Variants in ATAD2B observed in about 807,000 individuals in gnomAD.
ATAD2B encodes ATPase family AAA domain containing 2B.
ATAD2B carries 40 observed loss-of-function variants against 167.6 expected under a neutral mutation model. That is an observed-to-expected ratio of 0.24 (90% CI 0.19 to 0.31). The LOEUF is 0.31. Among genes scored for constraint, ATAD2B ranks in the 10% least tolerant of loss-of-function variants. The pLI is 1.00. For missense variants in ATAD2B, 1,242 were observed against 1,757.2 expected (o/e 0.71, Z 5.24); for synonymous variants, 579 against 596.5 (o/e 0.97, Z 0.43).
At chr2:23,872,877 A>G in intron 8 of ATAD2B, 1 of 827,028 alleles carries the variant, frequency 1.2e-6, no homozygotes, top group Non-Finnish European at 2.1e-6. Flanking sequence ...GCCATCTCAC[A>G]GTGCCTGCCT....
In ATAD2B at chr2:23,926,737, G is replaced by A; in HGVS notation, c.34C>T (p.Leu12Phe). 4 of 1,548,142 alleles carry A rather than the reference G, an allele frequency of 2.6e-6. No individual in the cohort carries two copies. Among genetic ancestry groups the A allele is most frequent in the Non-Finnish European group, 3.5e-6 (4 of 1,146,194 alleles). ...CCGGGACCAGGAGACTTGGACCCGA[G>A]AAGGCGGAGAGAGCTCTTCCGGGTG... ...VNTRKSSLRLLGSKSPGPGPG... is the reference protein window; with the variant it reads ...VNTRKSSLRLFGSKSPGPGPG... Residue 12 changes from leucine to phenylalanine, a missense_variant, in exon 1 of 28, where the codon CTC (leucine) becomes TTC (phenylalanine). This residue lies in a region of ATAD2B where 199 missense variants were observed against 194.9 expected (regional missense o/e 1.02). Coordinates refer to ENST00000238789, the MANE Select transcript of ATAD2B (RefSeq NM_017552.4).
chr2:23,762,465 G>T (rs897634804), intron 23 of ATAD2B, 119 bp from the exon 24 acceptor site: 1 of 923,976 alleles, frequency 1.1e-6, no homozygotes, highest in Non-Finnish European at 1.5e-6. Context: ...TACTAGGGCA[G>T]TTTGCAGTTC....
Position 23,892,199 on chromosome 2 carries a change from T to C in ATAD2B, c.368+3620A>G, listed in dbSNP as rs182093190. On this transcript the variant is annotated intron_variant, in intron 2 of 27. Transcript: ENST00000238789. ...TTTTTCTTGAGACGGAGTCTCGCTC[T>C]GTGGCCCAGGCTGGAGTGCAGTGGC... Among the ~76,000 whole-genome samples the C allele has an allele frequency of 2.7e-3, 405 of 152,342 alleles. 1 individual carries two copies. Among genetic ancestry groups the C allele is most frequent in the African/African-American group, 9.4e-3 (392 of 41,576 alleles).
intron 15 of ATAD2B, among the ~76,000 whole-genome samples, chr2:23,826,877 CT>C (rs1356753292): frequency 6.6e-6 from 1 of 152,072 alleles, no homozygotes; most frequent in African/African-American, 2.4e-5. Context: ...CCTCTAAGAA[CT>C]TGGGAATTTC....
intron 13 of ATAD2B, among the ~76,000 whole-genome samples, chr2:23,857,147 T>A (rs565843549): frequency 6.6e-5 from 10 of 152,234 alleles, no homozygotes; most frequent in Non-Finnish European, 1.5e-4. Context: ...TCTACTATTG[T>A]AGCACATAAG....
chr2:23,729,556 C>A, the ATAD2B span, among the ~76,000 whole-genome samples: 1 of 152,046 alleles, frequency 6.6e-6, no homozygotes, highest in Non-Finnish European at 1.5e-5. Flanking sequence ...ATCAGAATAT[C>A]CATTCTGTTT....
At chr2:23,891,858 C>T (rs1054931895) in intron 2 of ATAD2B, among the ~76,000 whole-genome samples, 9 of 151,710 alleles carry the variant, frequency 5.9e-5, no homozygotes, top group Non-Finnish European at 1.2e-4. Context: ...GTGATTATTA[C>T]GTTAGAACTT....
chr2:23,815,075 T>C (rs1443012600), intron 17 of ATAD2B, among the ~76,000 whole-genome samples: 2 of 144,704 alleles, frequency 1.4e-5, no homozygotes, highest in Non-Finnish European at 3.1e-5. Flanking sequence ...AAAAAAAAAG[T>C]TTGGAATGTG....
intron 12 of ATAD2B, among the ~76,000 whole-genome samples, chr2:23,859,309 T>A (rs1693962585): frequency 6.6e-6 from 1 of 152,092 alleles, no homozygotes; most frequent in Non-Finnish European, 1.5e-5. Context: ...ATTTATTTAT[T>A]TATTTATTTT....
At chr2:23,884,097 T>C (rs568187433) in intron 6 of ATAD2B, among the ~76,000 whole-genome samples, 7 of 152,196 alleles carry the variant, frequency 4.6e-5, no homozygotes, top group Admixed American at 6.5e-5. Flanking sequence ...TGAGCCAAGA[T>C]TGCGCCACTG....
At chr2:23,841,075 G>A (rs1386335263) in intron 13 of ATAD2B, among the ~76,000 whole-genome samples, 2 of 151,670 alleles carry the variant, frequency 1.3e-5, no homozygotes, top group African/African-American at 4.8e-5. Flanking sequence ...TGACAGGACA[G>A]GCATGCACTA....
intron 2 of ATAD2B, among the ~76,000 whole-genome samples, chr2:23,894,037 T>C (rs1181147586): frequency 5.3e-5 from 8 of 152,194 alleles, no homozygotes; most frequent in Admixed American, 5.2e-4. Flanking sequence ...AATGTATTAG[T>C]ATTCATTAGT....
At chr2:23,919,562 GC>G (rs1703590845) in intron 1 of ATAD2B, among the ~76,000 whole-genome samples, 1 of 151,468 alleles carries the variant, frequency 6.6e-6, no homozygotes, top group Admixed American at 6.6e-5. Context: ...AGTATTAGGG[GC>G]CGGGTGCAGT....
At chr2:23,829,760 G>A (rs1220592803) in intron 14 of ATAD2B, among the ~76,000 whole-genome samples, 1 of 151,860 alleles carries the variant, frequency 6.6e-6, no homozygotes, top group African/African-American at 2.4e-5. Flanking sequence ...CTGTCTCAAA[G>A]GGAGAAAAAA....
chr2:23,839,911 G>A (rs965225449), intron 13 of ATAD2B, among the ~76,000 whole-genome samples: 1 of 151,868 alleles, frequency 6.6e-6, no homozygotes, highest in African/African-American at 2.4e-5. Context: ...AACCCCTAGG[G>A]AACCATTCAT....
intron 1 of ATAD2B, among the ~76,000 whole-genome samples, chr2:23,906,087 G>C (rs974254663): frequency 1.3e-5 from 2 of 152,056 alleles, no homozygotes; most frequent in Non-Finnish European, 2.9e-5. Flanking sequence ...CTGTAATCCC[G>C]ATACTTTGGG....
chr2:23,851,662 C>T (rs1209718366), intron 13 of ATAD2B, among the ~76,000 whole-genome samples: 1 of 152,122 alleles, frequency 6.6e-6, no homozygotes, highest in African/African-American at 2.4e-5. Context: ...TGATGATATA[C>T]ATTCTATGGG....
chr2:23,905,454 G>A (rs1207310662), intron 1 of ATAD2B, among the ~76,000 whole-genome samples: 1 of 152,108 alleles, frequency 6.6e-6, no homozygotes, highest in Non-Finnish European at 1.5e-5. Flanking sequence ...AGCCAGGGAG[G>A]TCCAGGCTGC....
At chr2:23,775,261 C>G (rs944489046) in intron 22 of ATAD2B, among the ~76,000 whole-genome samples, 3 of 149,412 alleles carry the variant, frequency 2.0e-5, no homozygotes, top group African/African-American at 7.4e-5. Context: ...TGTCTCCAGG[C>G]TGGCGTGCAG....
Sources: gnomAD v4.1 joint callset for allele counts (sites outside exome capture counted in the v4.1 genomes callset) on GRCh38, gnomAD v4.1.1 for gene constraint, gnomAD v4.1.1 regional missense constraint, MANE v1.5 for transcripts, NCBI Gene and HGNC (gene_info 2026-07-23, HGNC 2026-07-21) for gene names.